Variants in PRELID2 observed in about 807,000 individuals in gnomAD.
PRELID2 encodes PRELI domain containing 2.
A neutral mutation model predicts 28.4 loss-of-function variants in PRELID2; 25 were observed. That is an observed-to-expected ratio of 0.88 (90% CI 0.64 to 1.23). The LOEUF (loss-of-function observed/expected upper bound fraction) is 1.23, where lower values mean the gene tolerates loss of function less well. PRELID2 is among the 50% of genes most tolerant of loss of function. The pLI, the probability that PRELID2 is intolerant of heterozygous loss-of-function variation, is 0.00. For synonymous variants in PRELID2, 76 were observed against 71.6 expected (o/e 1.06, Z -0.31); for missense variants, 201 against 214.4 (o/e 0.94, Z 0.39).
At chr5:145,430,282 T>C in the PRELID2 span, among the ~76,000 whole-genome samples, 2,220 of 152,312 alleles carry the variant, frequency 0.015, 53 homozygotes, top group African/African-American at 0.05. Context: ...ACTGTATCTT[T>C]TGGTATTTGT....
At chr5:145,624,051 C>T (rs539875070) in intron 1 of PRELID2, among the ~76,000 whole-genome samples, 4 of 152,260 alleles carry the variant, frequency 2.6e-5, no homozygotes, top group East Asian at 1.9e-4. Context: ...AAATAACTCA[C>T]GAATGTGCTT....
chr5:145,682,796 A>G (rs1185301467), intron 1 of PRELID2, among the ~76,000 whole-genome samples: 2 of 152,164 alleles, frequency 1.3e-5, no homozygotes, highest in East Asian at 1.9e-4. Flanking sequence ...TTACTTGCCA[A>G]TGACCATCGA....
the PRELID2 span, among the ~76,000 whole-genome samples, chr5:145,450,320 C>A: frequency 6.6e-6 from 1 of 152,120 alleles, no homozygotes; most frequent in Non-Finnish European, 1.5e-5. Context: ...CAATGAGAGG[C>A]AATCATCGAA....
At chr5:145,553,192 C>T (rs1029727595) in intron 1 of PRELID2, among the ~76,000 whole-genome samples, 1 of 138,778 alleles carries the variant, frequency 7.2e-6, no homozygotes, top group African/African-American at 2.9e-5. Flanking sequence ...ACCCCCCCCC[C>T]CAAAAAAAAA....
chr5:145,322,769 C>A, the PRELID2 span, among the ~76,000 whole-genome samples: 1 of 151,876 alleles, frequency 6.6e-6, no homozygotes. Context: ...CAAAATTGGC[C>A]GGGCACGGTG....
In PRELID2 at chr5:145,756,996, C is replaced by T. The variant is rs1229358192; in HGVS notation, c.*3540G>A. On this transcript the variant is annotated 3_prime_UTR_variant, in exon 7 of 7. Transcript: ENST00000683046. The stretch of plus-strand genomic sequence containing the variant: ...AAAGAATTAAAAACATATATGACGA[C>T]TCTGAAAAGATTTAATTATCCCCAG... Among the ~76,000 whole-genome samples, 1 of 152,086 alleles carries T rather than the reference C, an allele frequency of 6.6e-6. No individual in the cohort carries two copies. The highest frequency in any genetic ancestry group is 3.4e-3 in the Middle Eastern group (1 of 294).
the PRELID2 span, among the ~76,000 whole-genome samples, chr5:145,355,231 A>G: frequency 6.6e-6 from 1 of 152,172 alleles, no homozygotes; most frequent in Non-Finnish European, 1.5e-5. Context: ...TTCAAAATAC[A>G]AGGGGTAAAA....
intron 1 of PRELID2, among the ~76,000 whole-genome samples, chr5:145,562,015 T>A (rs1441053402): frequency 6.6e-6 from 1 of 152,212 alleles, no homozygotes; most frequent in Non-Finnish European, 1.5e-5. Flanking sequence ...GATGGTTGTT[T>A]AACCTTGCAC....
downstream of PRELID2, among the ~76,000 whole-genome samples, chr5:145,756,109 T>C (rs544083092): frequency 2.7e-3 from 410 of 152,298 alleles, 3 homozygotes; most frequent in African/African-American, 9.1e-3. Flanking sequence ...TCCTGGTCCT[T>C]CGTTCCATTA....
At chr5:145,249,001 ATAT>A in the PRELID2 span, among the ~76,000 whole-genome samples, 1 of 152,128 alleles carries the variant, frequency 6.6e-6, no homozygotes, top group Non-Finnish European at 1.5e-5. Context: ...ACCTCAATAA[ATAT>A]TATGCTGATG....
the PRELID2 span, among the ~76,000 whole-genome samples, chr5:145,434,962 T>G: frequency 4.5e-4 from 68 of 152,334 alleles, no homozygotes; most frequent in East Asian, 0.012. Flanking sequence ...ATTATTTTAC[T>G]GCTAAGAGTC....
At chr5:145,268,915 T>A in the PRELID2 span, among the ~76,000 whole-genome samples, 55,661 of 151,822 alleles carry the variant, frequency 0.37, 11,373 homozygotes, top group African/African-American at 0.54. Flanking sequence ...AAATAAAATT[T>A]AAAACAGTAT....
the PRELID2 span, among the ~76,000 whole-genome samples, chr5:145,357,986 C>T: frequency 2.0e-5 from 3 of 151,432 alleles, no homozygotes; most frequent in Non-Finnish European, 2.9e-5. Context: ...GTTTAGTCAA[C>T]TGGCTTTAAT....
intron 1 of PRELID2, among the ~76,000 whole-genome samples, chr5:145,637,139 T>A (rs926029646): frequency 4.0e-4 from 61 of 151,374 alleles, no homozygotes; most frequent in African/African-American, 1.4e-3. Context: ...AAACTGACCA[T>A]GAAAAAAAAA....
chr5:145,441,597 G>A, the PRELID2 span, among the ~76,000 whole-genome samples: 1 of 151,982 alleles, frequency 6.6e-6, no homozygotes, highest in African/African-American at 2.4e-5. Flanking sequence ...ATAAACTCTG[G>A]CTAATTAAAG....
intron 1 of PRELID2, among the ~76,000 whole-genome samples, chr5:145,490,017 C>T (rs891684415): frequency 1.3e-5 from 2 of 152,144 alleles, no homozygotes; most frequent in Non-Finnish European, 2.9e-5. Context: ...TGAATTTTTG[C>T]AGATGATACA....
At chr5:145,755,214 C>T (rs536832989), downstream of PRELID2, among the ~76,000 whole-genome samples, 3 of 152,268 alleles carry the variant, frequency 2.0e-5, no homozygotes, top group Admixed American at 6.5e-5. Context: ...TCGTGGCAAC[C>T]GTGTTTTGGG....
At chr5:145,310,012 A>G in the PRELID2 span, among the ~76,000 whole-genome samples, 1 of 152,216 alleles carries the variant, frequency 6.6e-6, no homozygotes, top group Non-Finnish European at 1.5e-5. Context: ...GAAATCATAA[A>G]CATTTGAAAT....
chr5:145,731,157 C>T (rs773390817), intron 1 of PRELID2, among the ~76,000 whole-genome samples: 2 of 152,192 alleles, frequency 1.3e-5, no homozygotes, highest in African/African-American at 2.4e-5. Flanking sequence ...TGCATGTGTA[C>T]TAATGTTTAA....
Sources: gnomAD v4.1 joint callset for allele counts (sites outside exome capture counted in the v4.1 genomes callset) on GRCh38, gnomAD v4.1.1 for gene constraint, MANE v1.5 for transcripts, NCBI Gene and HGNC (gene_info 2026-07-23, HGNC 2026-07-21) for gene names.